The following NRXN1 variants were observed in gnomAD, a reference collection of about 807,000 sequenced individuals.
NRXN1 encodes the protein neurexin 1.
A neutral mutation model predicts 150.9 loss-of-function variants in NRXN1; 39 were observed. The observed-to-expected ratio is 0.26, with a 90% CI of 0.20 to 0.34. The LOEUF (loss-of-function observed/expected upper bound fraction) is 0.34. Among genes scored for constraint, NRXN1 ranks in the 10% least tolerant of loss-of-function variants. NRXN1 has a pLI of 1.00. For synonymous variants in NRXN1, 924 were observed against 757.0 expected (o/e 1.22, Z -3.62); for missense variants, 1,815 against 1,949.9 (o/e 0.93, Z 1.30).
chr2:50,009,134 T>G (rs1685238191), intron 21 of NRXN1, among the ~76,000 whole-genome samples: 1 of 152,158 alleles, frequency 6.6e-6, no homozygotes, highest in African/African-American at 2.4e-5. Flanking sequence ...TGTATAGAAG[T>G]AAATAGTATT....
At chr2:50,177,712 T>G (rs2060435539) in intron 18 of NRXN1, among the ~76,000 whole-genome samples, 1 of 151,814 alleles carries the variant, frequency 6.6e-6, no homozygotes, top group African/African-American at 2.4e-5. Flanking sequence ...CTTAATACTC[T>G]AGAATGTTTC....
At chr2:50,592,682 A>ATAGACTTTG (rs1436636521) in intron 8 of NRXN1, among the ~76,000 whole-genome samples, 1 of 152,200 alleles carries the variant, frequency 6.6e-6, no homozygotes, top group Non-Finnish European at 1.5e-5. Flanking sequence ...TTGTTGATTT[A>ATAGACTTTG]TAGACTTTGT....
chr2:51,003,647 T>C (rs903415734), intron 2 of NRXN1, among the ~76,000 whole-genome samples: 1 of 152,002 alleles, frequency 6.6e-6, no homozygotes, highest in Non-Finnish European at 1.5e-5. Context: ...TACATGTATG[T>C]AGCTTATTTG....
At chr2:50,265,206 A>G (rs781090026) in intron 17 of NRXN1, among the ~76,000 whole-genome samples, 2 of 152,056 alleles carry the variant, frequency 1.3e-5, no homozygotes, top group African/African-American at 2.4e-5. Flanking sequence ...GTGGGAATAT[A>G]TTTGCTTACT....
chr2:50,960,814 A>G (rs1001217064), intron 2 of NRXN1, among the ~76,000 whole-genome samples: 2 of 151,958 alleles, frequency 1.3e-5, no homozygotes, highest in African/African-American at 4.8e-5. Flanking sequence ...AAAAACAAAA[A>G]AAAGCAAACA....
intron 2 of NRXN1, among the ~76,000 whole-genome samples, chr2:50,949,541 GA>G (rs919100966): frequency 5.3e-5 from 8 of 151,982 alleles, no homozygotes; most frequent in Non-Finnish European, 1.0e-4. Flanking sequence ...TCTCTAGAAT[GA>G]AAAAATCATT....
At chr2:50,397,030 TGACTCTCCC>T (rs532105699) in intron 17 of NRXN1, among the ~76,000 whole-genome samples, 1 of 152,058 alleles carries the variant, frequency 6.6e-6, no homozygotes, top group Non-Finnish European at 1.5e-5. Flanking sequence ...GTTCCACTCC[TGACTCTCCC>T]GAAGATGGTC....
At chr2:50,815,291 G>A (rs1668769231) in intron 5 of NRXN1, among the ~76,000 whole-genome samples, 1 of 151,984 alleles carries the variant, frequency 6.6e-6, no homozygotes, top group Non-Finnish European at 1.5e-5. Flanking sequence ...GGGACGCAGT[G>A]GTAATTATAA....
intron 17 of NRXN1, among the ~76,000 whole-genome samples, chr2:50,265,616 A>G (rs1027133892): frequency 5.3e-5 from 8 of 152,230 alleles, no homozygotes; most frequent in Non-Finnish European, 1.2e-4. Flanking sequence ...CAACGAACAA[A>G]GAAGAAAAAT....
chr2:50,893,320 G>A (rs1271917693), intron 5 of NRXN1, among the ~76,000 whole-genome samples: 1 of 152,032 alleles, frequency 6.6e-6, no homozygotes, highest in Non-Finnish European at 1.5e-5. Context: ...TGCCACAAAA[G>A]GACAGACAAT....
At chr2:50,359,552 T>C (rs2079046561) in intron 17 of NRXN1, among the ~76,000 whole-genome samples, 1 of 150,960 alleles carries the variant, frequency 6.6e-6, no homozygotes, top group Non-Finnish European at 1.5e-5. Context: ...GAGACAAGAT[T>C]AGAGAAAAAA....
In NRXN1 at chr2:50,166,490, G is replaced by A. The variant is rs111511897; in HGVS notation, c.3546+70299C>T. Among the ~76,000 whole-genome samples the A allele has an allele frequency of 9.6e-3, 1,465 of 152,142 alleles. 24 individuals are homozygous for A. Among genetic ancestry groups the A allele is most frequent in the Non-Finnish European group, 0.012 (844 of 68,010 alleles). On this transcript the variant is annotated intron_variant, in intron 18 of 22. Transcript: ENST00000401669. ...TTCATCTTCAAATCCTCAAGATAAA[G>A]AGCCCAGTCAACTGGCTCCTTAATA...
In NRXN1 at chr2:50,346,896, G is replaced by A. The variant is rs1480490773; in HGVS notation, c.3365-109926C>T. The A allele has an allele frequency of 6.1e-6, 8 of 1,301,262 alleles. 1 individual carries two copies. Among genetic ancestry groups the A allele is most frequent in the Admixed American group, 8.0e-5 (2 of 25,132 alleles). 80.6% of individuals were successfully genotyped at this position (1,301,262 alleles called of 1,614,324 possible). A position where few individuals can be genotyped will look rare whatever the true frequency, so the allele number is the denominator to read the frequency against. ...CGCCGCCGCCGCCGCCGCCGCCGCC[G>A]CCGCCCCCGGGCGAGCCCAGCTCGG... is the stretch of plus-strand genomic sequence containing the variant. On this transcript the variant is annotated intron_variant, in intron 17 of 22. Coordinates refer to ENST00000401669, the MANE Select transcript of NRXN1 (RefSeq NM_001330078.2). The surrounding 1 kb of genome is among the most constrained non-coding windows in gnomAD (Gnocchi z 5.0).
chr2:50,266,320 T>C (rs188588576), intron 17 of NRXN1, among the ~76,000 whole-genome samples: 26 of 150,066 alleles, frequency 1.7e-4, no homozygotes, highest in African/African-American at 6.3e-4. Context: ...TTGAGATCAC[T>C]TGACTCCAGT....
intron 18 of NRXN1, among the ~76,000 whole-genome samples, chr2:50,224,677 GAGAGAGAGAGGGAGAA>G (rs1309798153): frequency 1.7e-4 from 24 of 141,832 alleles, no homozygotes; most frequent in Admixed American, 8.8e-4. Context: ...AGATTAAAGA[GAGAGAGAGAGGGAGAA>G]AGAGAGAGAG....
chr2:50,861,422 G>A (rs1204960447), intron 5 of NRXN1, among the ~76,000 whole-genome samples: 1 of 152,040 alleles, frequency 6.6e-6, no homozygotes. Context: ...GAATGATGAA[G>A]GTGGAATTCA....
intron 17 of NRXN1, among the ~76,000 whole-genome samples, chr2:50,253,655 G>A (rs575040099): frequency 2.3e-4 from 35 of 152,108 alleles, no homozygotes; most frequent in Middle Eastern, 3.4e-3. Context: ...CTTTTTCTGC[G>A]TCTATTGAGA....
chr2:50,663,840 A>G (rs1015452767), intron 5 of NRXN1, among the ~76,000 whole-genome samples: 3 of 151,146 alleles, frequency 2.0e-5, no homozygotes, highest in African/African-American at 4.9e-5. Flanking sequence ...TTTTGAGCCT[A>G]AAGATTTAAG....
At chr2:50,691,590 T>C (rs762527219) in intron 5 of NRXN1, among the ~76,000 whole-genome samples, 2 of 152,198 alleles carry the variant, frequency 1.3e-5, no homozygotes, top group African/African-American at 2.4e-5. Context: ...TTTTCTATTG[T>C]TTTACGATCA....
Sources: gnomAD v4.1 joint callset for allele counts (sites outside exome capture counted in the v4.1 genomes callset) on GRCh38, gnomAD v4.1.1 for gene constraint, Gnocchi (gnomAD v3.1) non-coding constraint, MANE v1.5 for transcripts, NCBI Gene and HGNC (gene_info 2026-07-23, HGNC 2026-07-21) for gene names.